UBN1: variants seen among roughly 807,000 people sequenced by gnomAD.
The protein encoded by UBN1 is ubinuclein 1.
A neutral mutation model predicts 108.5 loss-of-function variants in UBN1; 17 were observed. That is an observed-to-expected ratio of 0.16 (90% CI 0.11 to 0.24). The LOEUF (loss-of-function observed/expected upper bound fraction) is 0.24, where lower values mean the gene tolerates loss of function less well. UBN1 is among the 10% of genes least tolerant of loss of function. UBN1 has a pLI of 1.00. For synonymous variants in UBN1, 726 were observed against 564.2 expected (o/e 1.29, Z -4.07); for missense variants, 1,595 against 1,394.4 (o/e 1.14, Z -2.29).
intron 1 of UBN1, among the ~76,000 whole-genome samples, chr16:4,849,266 AC>A (rs2086403595): frequency 6.6e-6 from 1 of 152,232 alleles, no homozygotes; most frequent in Non-Finnish European, 1.5e-5. Flanking sequence ...AAGACAGGAA[AC>A]AAAAATAAGA....
In UBN1 at chr16:4,860,790, T is replaced by G; in HGVS notation, c.798T>G (p.His266Gln). 4 of 1,614,248 alleles carry G rather than the reference T, an allele frequency of 2.5e-6. No individual in the cohort carries two copies. Among genetic ancestry groups the G allele is most frequent in the Non-Finnish European group, 3.4e-6 (4 of 1,180,046 alleles). Residue 266 changes from histidine (H) to glutamine (Q), a missense_variant, in exon 7 of 18, where the codon CAT becomes CAG. Transcript: ENST00000262376. Reference protein sequence around the residue: ...KEAQKKREEEHKPVAVPSAEA... With the variant: ...KEAQKKREEEQKPVAVPSAEA... ...CTCAGAAAAAAAGGGAGGAGGAGCA[T>G]AAGCCTGTTGCGGTCCCATCAGCGG...
In UBN1 at chr16:4,868,280, A is replaced by C. The variant is rs191930321; in HGVS notation, c.1111-553A>C. 1.5e-4 allele frequency among the ~76,000 whole-genome samples: 23 copies of C among 152,346 alleles called. No individual in the cohort carries two copies. The East Asian group carries it at 4.2e-3, about 28-fold the overall frequency. The stretch of plus-strand genomic sequence containing the variant: ...ACTGAAACTCCTATAATCTGGTGTT[A>C]ATAGGTAATATGGTGGGTTAATTAT... On this transcript the variant is annotated intron_variant, in intron 7 of 17. Transcript: ENST00000262376.
intron 2 of UBN1, 127 bp downstream of exon 2, chr16:4,853,293 C>G: frequency 2.3e-6 from 3 of 1,300,472 alleles, no homozygotes; most frequent in Non-Finnish European, 3.1e-6. Flanking sequence ...TCCTGTCACT[C>G]ACTCAAGGCA....
At position 4,880,269 on chromosome 16, in the gene UBN1, C is replaced by T; in HGVS notation, c.*137C>T. On this transcript the variant is annotated 3_prime_UTR_variant, in exon 18 of 18. Coordinates refer to ENST00000262376, the MANE Select transcript of UBN1 (RefSeq NM_001079514.3). Reference sequence around the variant, plus strand: ...AGCGTGAGTTCTCAGCGGAGCGCTTCTCGGCACTTCTGATGTGCCTCCCAT... The same window carrying T: ...AGCGTGAGTTCTCAGCGGAGCGCTTTTCGGCACTTCTGATGTGCCTCCCAT... 1.0e-6 allele frequency: 1 copy of T among 1,004,498 alleles called. No individual in the cohort carries two copies. Among genetic ancestry groups the T allele is most frequent in the Non-Finnish European group, 1.5e-6 (1 of 652,236 alleles). The allele number at this position is 1,004,498 out of a possible 1,614,324, so 62.2% of individuals were successfully genotyped here.
chr16:4,863,206 T>C lies in UBN1; in HGVS notation c.1110+2104T>C, dbSNP rs1431289597. Among the ~76,000 whole-genome samples the C allele has an allele frequency of 3.3e-5, 5 of 152,320 alleles. No homozygotes were observed. In the East Asian group the frequency reaches 9.6e-4, roughly 29 times the overall value. Reference sequence around the variant, plus strand: ...CTGTTTTCTGCCTTTTTACGTAATATTATAAAGCCCTCATGACTTTTTATG... The same window carrying C: ...CTGTTTTCTGCCTTTTTACGTAATACTATAAAGCCCTCATGACTTTTTATG... On this transcript the variant is annotated intron_variant, in intron 7 of 17. Transcript: ENST00000262376.
chr16:4,858,088 C>G lies in UBN1; in HGVS notation c.336+12C>G, dbSNP rs2086894451. 1.3e-6 allele frequency: 2 copies of G among 1,586,406 alleles called. No homozygotes were observed. Among genetic ancestry groups the G allele is most frequent in the South Asian group, 1.1e-5 (1 of 90,358 alleles). ...TTGAAGAAAAATACGTAAGATTTCT[C>G]TCTTGAATAACAAAACAACCTCATT... is the stretch of plus-strand genomic sequence containing the variant. On this transcript the variant is annotated intron_variant, in intron 3 of 17. Transcript: ENST00000262376.
intron 15 of UBN1, among the ~76,000 whole-genome samples, chr16:4,875,637 GCTT>G (rs1025422925): frequency 5.3e-5 from 8 of 152,190 alleles, no homozygotes; most frequent in Non-Finnish European, 8.8e-5. Flanking sequence ...ATGGCCTAAA[GCTT>G]CTTCTGAGGA....
At chr16:4,857,288 C>G (rs1015860700) in intron 2 of UBN1, among the ~76,000 whole-genome samples, 5 of 149,948 alleles carry the variant, frequency 3.3e-5, no homozygotes, top group African/African-American at 1.2e-4. Context: ...GAGGTTGAGG[C>G]TACAGTGAGT....
At position 4,870,624 on chromosome 16, in the gene UBN1, A is replaced by G. The variant is rs1040787407; in HGVS notation, c.1420A>G (p.Lys474Glu). The change falls in exon 10 of 18, where the codon AAG (lysine) becomes GAG (glutamate). Residue 474 changes from lysine to glutamate, a missense_variant. By Grantham distance (56) the Lys-to-Glu change is moderately conservative. Around this residue, in one of 3 missense-constraint regions of UBN1, gnomAD observed 1,398 missense variants for 1,194.7 expected, o/e 1.17. Coordinates refer to ENST00000262376, the MANE Select transcript of UBN1 (RefSeq NM_001079514.3). ...CGAATGCCAGGCACACACGCAGGCA[A>G]AGGTTGCCAAGTAAGTTTGTCCTGG... Reference protein sequence around the residue: ...QDECQAHTQAKVAKMLEEEKD... With the variant: ...QDECQAHTQAEVAKMLEEEKD... 2 of 1,613,880 alleles carry G rather than the reference A, an allele frequency of 1.2e-6. No homozygotes were observed. Among genetic ancestry groups the G allele is most frequent in the Admixed American group, 1.7e-5 (1 of 59,986 alleles).
intron 17 of UBN1, among the ~76,000 whole-genome samples, chr16:4,878,898 G>A (rs1302892305): frequency 6.6e-6 from 1 of 152,142 alleles, no homozygotes. Flanking sequence ...TGTAGTCCCA[G>A]CTCTTTAGGA....
chr16:4,864,116 C>T (rs1344684094), intron 7 of UBN1, among the ~76,000 whole-genome samples: 9 of 136,780 alleles, frequency 6.6e-5, no homozygotes, highest in African/African-American at 2.5e-4. Flanking sequence ...AGTCTGACTC[C>T]ATCACCCAGG....
intron 15 of UBN1, 44 bp from the exon 16 acceptor site, chr16:4,876,827 G>T: frequency 3.3e-6 from 5 of 1,533,876 alleles, no homozygotes; most frequent in South Asian, 2.6e-5. Flanking sequence ...AGTGAGCCAC[G>T]AACAGGACTG....
Position 4,853,125 on chromosome 16 carries a change from A to C in UBN1, c.208A>C (p.Asn70His), listed in dbSNP as rs768767827. 1.2e-6 allele frequency: 2 copies of C among 1,614,218 alleles called. No homozygotes were observed. The highest frequency in any genetic ancestry group is 3.3e-5 in the Admixed American group (2 of 60,016). The change falls in exon 2 of 18, where the codon AAT becomes CAT. Residue 70 changes from asparagine to histidine, a missense_variant. Around this residue, in one of 3 missense-constraint regions of UBN1, gnomAD observed 181 missense variants for 157.3 expected, o/e 1.15. Coordinates refer to ENST00000262376, the MANE Select transcript of UBN1 (RefSeq NM_001079514.3). ...GTTCTTCTACCCAGAGCTGGTGAAG[A>C]ATATCCGAGGGAAGGTAAAAGGCCT... ...PEFFYPELVK[N>H]IRGKVKGLQP...
rs2088041024 is a variant in UBN1 at position 4,880,316 on chromosome 16, G to A, written c.*184G>A. ...CCATGGAGGGAGCCGGGCCCTTGCT[G>A]CTCAGGAGGTGCAGACTGCCCCGTG... On this transcript the variant is annotated 3_prime_UTR_variant, in exon 18 of 18. Coordinates refer to ENST00000262376, the MANE Select transcript of UBN1 (RefSeq NM_001079514.3). 1.5e-6 allele frequency: 1 copy of A among 647,152 alleles called. No homozygotes were observed. Among genetic ancestry groups the A allele is most frequent in the Non-Finnish European group, 2.7e-6 (1 of 370,568 alleles). 40.1% of individuals were successfully genotyped at this position (647,152 alleles called of 1,614,324 possible).
At chr16:4,859,283 C>A (rs111721674) in intron 5 of UBN1, 124 bp downstream of exon 5, 6 of 1,373,680 alleles carry the variant, frequency 4.4e-6, no homozygotes. Flanking sequence ...AAGGCAGAGC[C>A]GTGCCAGGTT....
At position 4,877,601 on chromosome 16, in the gene UBN1, T is replaced by G; in HGVS notation, c.3355+127T>G. ...ACGCTGTTGTTGTTTTGGTTTGTCC[T>G]TTGAGGCTGTGCTTTGTCAGTACTC... is the stretch of plus-strand genomic sequence containing the variant. On this transcript the variant is annotated intron_variant, in intron 17 of 17. Coordinates refer to ENST00000262376, the MANE Select transcript of UBN1 (RefSeq NM_001079514.3). This position sits in a 1 kb window ranked among gnomAD's most constrained non-coding sequence, Gnocchi z 4.3. The G allele has an allele frequency of 7.0e-7, 1 of 1,424,060 alleles. No homozygotes were observed. The highest frequency in any genetic ancestry group is 9.1e-7 in the Non-Finnish European group (1 of 1,093,152). The allele number at this position is 1,424,060 out of a possible 1,614,324, so 88.2% of individuals were successfully genotyped here.
At position 4,877,722 on chromosome 16, in the gene UBN1, G is replaced by A. The variant is rs2142296418; in HGVS notation, c.3355+248G>A. 4.9e-6 allele frequency: 6 copies of A among 1,220,174 alleles called. No individual in the cohort carries two copies. In the South Asian group the frequency reaches 2.2e-4, roughly 45 times the overall value. 75.6% of individuals were successfully genotyped at this position (1,220,174 alleles called of 1,614,324 possible). ...AGCCTGTGTGATCACAGGGAAAGTTGCGGGGGGCAGGGTGGTGCGCTTTTG... is the reference window on the plus strand; with the variant it reads ...AGCCTGTGTGATCACAGGGAAAGTTACGGGGGGCAGGGTGGTGCGCTTTTG... On this transcript the variant is annotated intron_variant, in intron 17 of 17. Coordinates refer to ENST00000262376, the MANE Select transcript of UBN1 (RefSeq NM_001079514.3). This position sits in a 1 kb window ranked among gnomAD's most constrained non-coding sequence, Gnocchi z 4.3.
chr16:4,863,428 A>G (rs1211859969), intron 7 of UBN1, among the ~76,000 whole-genome samples: 1 of 152,100 alleles, frequency 6.6e-6, no homozygotes, highest in African/African-American at 2.4e-5. Flanking sequence ...ATGCACTGGT[A>G]TACTCAAATT....
chr16:4,870,703 T>G (rs895838098), intron 10 of UBN1, 69 bp downstream of exon 10: 6 of 1,588,524 alleles, frequency 3.8e-6, no homozygotes, highest in Non-Finnish European at 5.1e-6. Flanking sequence ...TTTCTCGGTG[T>G]GTACTGCCGT....
Sources: gnomAD v4.1 joint callset for allele counts (sites outside exome capture counted in the v4.1 genomes callset) on GRCh38, gnomAD v4.1.1 for gene constraint, gnomAD v4.1.1 regional missense constraint, Gnocchi (gnomAD v3.1) non-coding constraint, MANE v1.5 for transcripts, NCBI Gene and HGNC (gene_info 2026-07-23, HGNC 2026-07-21) for gene names.